The following ABCA3 variants were observed in gnomAD, a reference collection of about 807,000 sequenced individuals.
The protein encoded by ABCA3 is ATP binding cassette subfamily A member 3, also known as phospholipid-transporting ATPase ABCA3.
In ABCA3, 88 loss-of-function variants were observed where a neutral mutation model predicts 172.8. The ratio of observed to expected loss-of-function variants is 0.51; its 90% confidence interval spans 0.43 to 0.61. The LOEUF (loss-of-function observed/expected upper bound fraction) is 0.61. Among genes scored for constraint, ABCA3 ranks in the 20% least tolerant of loss-of-function variants. ABCA3 has a pLI of 0.00. For missense variants in ABCA3, 2,164 were observed against 2,301.0 expected (o/e 0.94, Z 1.22); for synonymous variants, 1,066 against 983.8 (o/e 1.08, Z -1.56).
chr16:2,300,160 G>A lies in ABCA3; in HGVS notation c.1468-12C>T. 6.2e-7 allele frequency: 1 copy of A among 1,613,286 alleles called. No individual in the cohort carries two copies. The highest frequency in any genetic ancestry group is 2.2e-5 in the East Asian group (1 of 44,862). On this transcript the variant is annotated splice_polypyrimidine_tract_variant and intron_variant, in intron 12 of 32. Transcript: ENST00000301732. Reference sequence around the variant, plus strand: ...CACCAATAGGAGGGCTGGGAGGGAAGCAGACAGCTGTCAGTTTGTTTTGTT... The same window carrying A: ...CACCAATAGGAGGGCTGGGAGGGAAACAGACAGCTGTCAGTTTGTTTTGTT...
intron 19 of ABCA3, among the ~76,000 whole-genome samples, chr16:2,291,761 C>A (rs1396953948): frequency 6.6e-6 from 1 of 152,204 alleles, no homozygotes; most frequent in Non-Finnish European, 1.5e-5. Context: ...ACCGAGGTGA[C>A]TGTTTATCAC....
intron 12 of ABCA3, 65 bp downstream of exon 12, chr16:2,303,904 C>T: frequency 6.4e-7 from 1 of 1,570,210 alleles, no homozygotes; most frequent in South Asian, 1.1e-5. Flanking sequence ...GGTCCCTGAG[C>T]AGGTACTGGG....
chr16:2,288,104 A>G lies in ABCA3; in HGVS notation c.2926T>C (p.Ser976Pro). 6.2e-7 allele frequency: 1 copy of G among 1,613,576 alleles called. No homozygotes were observed. Among genetic ancestry groups the G allele is most frequent in the Non-Finnish European group, 8.5e-7 (1 of 1,179,926 alleles). ...TCTGACAGCTGCTGACCCAGCTGGGAGGTCCCGGGAACTGAGAAGGGCACG... is the reference window on the plus strand; with the variant it reads ...TCTGACAGCTGCTGACCCAGCTGGGGGGTCCCGGGAACTGAGAAGGGCACG... ...TVVPFSVPGT[S>P]QLGQQLSEHL... The change falls in exon 21 of 33, where the codon TCC becomes CCC. Residue 976 changes from serine (S) to proline (P), a missense_variant. Physicochemically the swap from Ser to Pro is moderately conservative, Grantham distance 74 (BLOSUM62 -1). Coordinates refer to ENST00000301732, the MANE Select transcript of ABCA3 (RefSeq NM_001089.3).
intron 10 of ABCA3, among the ~76,000 whole-genome samples, chr16:2,313,552 CAAA>C (rs56389139): frequency 8.6e-4 from 53 of 61,896 alleles, no homozygotes; most frequent in African/African-American, 2.4e-3. Flanking sequence ...GACTCTGTCA[CAAA>C]AAAAAAAAAA....
intron 28 of ABCA3, 130 bp downstream of exon 28, chr16:2,280,897 T>C: frequency 8.2e-7 from 1 of 1,217,552 alleles, no homozygotes; most frequent in South Asian, 1.3e-5. Context: ...TCCAGAGGCA[T>C]GTGCTGGGCC....
intron 19 of ABCA3, 112 bp downstream of exon 19, chr16:2,292,028 G>A (rs1461204360): frequency 3.9e-5 from 32 of 810,956 alleles, no homozygotes; most frequent in South Asian, 3.0e-4. Context: ...AGCCGAGATC[G>A]CACCACTGCA....
Position 2,288,128 on chromosome 16 carries a change from C to T in ABCA3, c.2902G>A (p.Val968Met), listed in dbSNP as rs150340257. 67 of 1,613,028 alleles carry T rather than the reference C, an allele frequency of 4.2e-5. No individual in the cohort carries two copies. The African/African-American group carries it at 7.7e-4, about 19-fold the overall frequency. ...GAGGTCCCGGGAACTGAGAAGGGCA[C>T]GACGGTTCTGCCGTACTCGCCCAAG... ...LTLGEYGRTV[V>M]PFSVPGTSQL... is the part of the protein sequence containing the mutation. The change falls in exon 21 of 33, where the codon GTG becomes ATG. Residue 968 changes from valine (V) to methionine (M), a missense_variant. By Grantham distance (21) the Val-to-Met change is conservative. This residue lies in a region of ABCA3 where 1,343 missense variants were observed against 1,369.6 expected (regional missense o/e 0.98). Transcript: ENST00000301732.
In ABCA3 at chr16:2,278,304, T is replaced by C. The variant is rs1446386250; in HGVS notation, c.4702A>G (p.Ile1568Val). 3 of 1,609,178 alleles carry C rather than the reference T, an allele frequency of 1.9e-6. No homozygotes were observed. The highest frequency in any genetic ancestry group is 1.7e-5 in the Admixed American group (1 of 60,016). The part of the protein sequence containing the change: ...ARARESGKAI[I>V]ITSHSMEECE... ...AGGCTCTACCTGTGGGAGGTGATGA[T>C]GATGGCCTTGCCAGACTCTCGGGCT... is the stretch of plus-strand genomic sequence containing the variant. The change falls in exon 30 of 33, where the codon ATC (isoleucine) becomes GTC (valine). Residue 1568 changes from isoleucine (I) to valine (V), a missense_variant. By Grantham distance (29) the Ile-to-Val change is conservative. Transcript: ENST00000301732. This position sits in a 1 kb window ranked among gnomAD's most constrained non-coding sequence, Gnocchi z 4.4.
chr16:2,331,994 CATT>C (rs1263534403), intron 1 of ABCA3, among the ~76,000 whole-genome samples: 7 of 152,170 alleles, frequency 4.6e-5, no homozygotes, highest in Admixed American at 1.3e-4. Flanking sequence ...TCACACATAT[CATT>C]GAGTATCTCA....
rs2093744973 is a variant in ABCA3, at chr16:2,332,533, C to T, written c.-538-2679G>A. 2.9e-6 allele frequency: 3 copies of T among 1,017,472 alleles called. No homozygotes were observed. The South Asian group carries it at 4.0e-5, about 14-fold the overall frequency. 63.0% of individuals were successfully genotyped at this position (1,017,472 alleles called of 1,614,324 possible). Reference sequence around the variant, plus strand: ...ATAAATCTGGGCCACATGACCACCACCCTCCACACGGACACGAATGTCCAC... The same window carrying T: ...ATAAATCTGGGCCACATGACCACCATCCTCCACACGGACACGAATGTCCAC... On this transcript the variant is annotated intron_variant, in intron 1 of 32. Coordinates refer to ENST00000301732, the MANE Select transcript of ABCA3 (RefSeq NM_001089.3).
chr16:2,302,243 G>A (rs1243128232), intron 12 of ABCA3, among the ~76,000 whole-genome samples: 1 of 152,162 alleles, frequency 6.6e-6, no homozygotes, highest in Non-Finnish European at 1.5e-5. Context: ...CTGCGTGTGT[G>A]TCTTTAATTC....
chr16:2,327,848 G>A (rs2093736874), intron 3 of ABCA3, among the ~76,000 whole-genome samples: 1 of 152,146 alleles, frequency 6.6e-6, no homozygotes, highest in Non-Finnish European at 1.5e-5. Context: ...AGCCTCCTGA[G>A]TAACTGGGAT....
In ABCA3 at chr16:2,284,309, C is replaced by T. The variant is rs549548321; in HGVS notation, c.3832G>A (p.Glu1278Lys). 57 of 1,613,760 alleles carry T rather than the reference C, an allele frequency of 3.5e-5. 1 individual carries two copies. In the South Asian group the frequency reaches 4.2e-4, roughly 12 times the overall value. ...YETRRYCTSS[E>K]VAAHYCKKYN... The stretch of plus-strand genomic sequence containing the variant: ...TTCTTGCAGTAGTGGGCGGCGACCT[C>T]GGAGGAGGTGCAGTACCTCCGCGTC... Residue 1278 changes from glutamate to lysine, a missense_variant, in exon 25 of 33, where the codon GAG becomes AAG. By Grantham distance (56) the Glu-to-Lys change is moderately conservative. Around this residue, in one of 3 missense-constraint regions of ABCA3, gnomAD observed 795 missense variants for 881.9 expected, o/e 0.90. Coordinates refer to ENST00000301732, the MANE Select transcript of ABCA3 (RefSeq NM_001089.3). The surrounding 1 kb of genome is among the most constrained non-coding windows in gnomAD (Gnocchi z 5.9).
Position 2,323,600 on chromosome 16 carries a change from C to T in ABCA3, c.536G>A (p.Trp179Ter), listed in dbSNP as rs2093729500. The T allele has an allele frequency of 6.2e-7, 1 of 1,614,054 alleles. No individual in the cohort carries two copies. Among genetic ancestry groups the T allele is most frequent in the Admixed American group, 1.7e-5 (1 of 59,988 alleles). The change falls in exon 7 of 33, where the codon TGG becomes TAG. Residue 179 changes from tryptophan to a stop codon, truncating the protein, a stop_gained. Coordinates refer to ENST00000301732, the MANE Select transcript of ABCA3 (RefSeq NM_001089.3). LOFTEE classifies it high-confidence loss of function. Reference protein sequence around the residue: ...GSFFLKETEGWHTTSLFPLFP... With the variant: ...GSFFLKETEG ...AAGCGGGAAAAGGGAAGTAGTGTGC[C>T]AGCCTTCTGTCTCTTTCAGGAAAAA...
In ABCA3 at chr16:2,285,538, A is replaced by G. The variant is rs770795063; in HGVS notation, c.3387T>C (p.His1129=). Residue 1129 remains histidine, a synonymous_variant, in exon 23 of 33, where the codon CAT becomes CAC. Coordinates refer to ENST00000301732, the MANE Select transcript of ABCA3 (RefSeq NM_001089.3). This position sits in a 1 kb window ranked among gnomAD's most constrained non-coding sequence, Gnocchi z 4.7. ...CGTGGACTCCACTCACAAACTGCAC[A>G]TGCTTGGCCTGCACGGCCCTCTCGC... The part of the protein sequence containing the change: ...AVSERAVQAK[H]VQFVSGVHVA... The G allele has an allele frequency of 3.1e-6, 5 of 1,603,052 alleles. No individual in the cohort carries two copies. Among genetic ancestry groups the G allele is most frequent in the Non-Finnish European group, 4.3e-6 (5 of 1,174,656 alleles).
chr16:2,326,742 C>G (rs574807946), intron 3 of ABCA3, among the ~76,000 whole-genome samples: 1 of 152,164 alleles, frequency 6.6e-6, no homozygotes, highest in East Asian at 1.9e-4. Context: ...AATCTCAACA[C>G]TTTGGGAGGC....
chr16:2,281,081 G>A lies in ABCA3; in HGVS notation c.4305C>T (p.Leu1435=), dbSNP rs199852776. The A allele has an allele frequency of 1.2e-5, 19 of 1,613,932 alleles. No homozygotes were observed. The Admixed American group carries it at 2.0e-4, about 17-fold the overall frequency. Residue 1435 remains leucine, a synonymous_variant, in exon 28 of 33, where the codon CTC becomes CTT. Coordinates refer to ENST00000301732, the MANE Select transcript of ABCA3 (RefSeq NM_001089.3). This position sits in a 1 kb window ranked among gnomAD's most constrained non-coding sequence, Gnocchi z 4.7. ...TFKMLTGEES[L]TSGDAFVGGH... ...CCCCGACAAAGGCATCCCCAGAAGTGAGGCTCTCCTCCCCGGTCAGCATTT... is the reference window on the plus strand; with the variant it reads ...CCCCGACAAAGGCATCCCCAGAAGTAAGGCTCTCCTCCCCGGTCAGCATTT...
chr16:2,295,054 CAACA>C (rs1286648353), intron 18 of ABCA3, among the ~76,000 whole-genome samples: 1 of 151,980 alleles, frequency 6.6e-6, no homozygotes, highest in Admixed American at 6.6e-5. Context: ...CAAAATCAAA[CAACA>C]AACTGGAGAA....
Position 2,319,781 on chromosome 16 carries a change from A to G in ABCA3, c.673T>C (p.Tyr225His), listed in dbSNP as rs1442173709. 1 of 1,613,678 alleles carries G rather than the reference A, an allele frequency of 6.2e-7. No homozygotes were observed. Among genetic ancestry groups the G allele is most frequent in the South Asian group, 1.1e-5 (1 of 91,052 alleles). ...TGGCGTGTGGCGGCATCGGCATGGT[A>G]CTCCATGATGGCCCGGTCCACAGCA... ...QHAVDRAIME[Y>H]HADAATRQLF... The change falls in exon 8 of 33, where the codon TAC becomes CAC. Residue 225 changes from tyrosine to histidine, a missense_variant. Coordinates refer to ENST00000301732, the MANE Select transcript of ABCA3 (RefSeq NM_001089.3).
Sources: allele counts gnomAD v4.1 joint callset (sites outside exome capture counted in the v4.1 genomes callset), GRCh38; gene constraint gnomAD v4.1.1; regional missense constraint gnomAD v4.1.1; non-coding constraint Gnocchi (gnomAD v3.1); transcripts MANE v1.5; gene names NCBI Gene and HGNC (gene_info 2026-07-23, HGNC 2026-07-21).